SPTB: variants seen among roughly 807,000 people sequenced by gnomAD.
SPTB encodes the protein spectrin beta, erythrocytic.
Under a neutral mutation model 256.2 loss-of-function variants are expected in SPTB, and 45 were observed. The ratio of observed to expected loss-of-function variants is 0.18; its 90% CI spans 0.14 to 0.23. The LOEUF is 0.23. Among genes scored for constraint, SPTB ranks in the 10% least tolerant of loss-of-function variants. SPTB has a pLI of 1.00. For synonymous variants in SPTB, 1,231 were observed against 1,243.1 expected (o/e 0.99, Z 0.21); for missense variants, 2,715 against 3,040.4 (o/e 0.89, Z 2.52).
rs2081905999 is a variant in SPTB at position 64,749,406 on chromosome 14, T to C, written c.6887A>G (p.Lys2296Arg). The stretch of plus-strand genomic sequence containing the variant: ...GGAAGGCAGGGGCAGGCTCTGCGCC[T>C]TGACGCGGATGCTCTGGGACTCGTT... ...AINESQSIRV[K>R]AQSLPLPSLS... Residue 2296 changes from lysine to arginine, a missense_variant, in exon 36 of 36, where the codon AAG becomes AGG. By Grantham distance (26) the Lys-to-Arg change is conservative (BLOSUM62 2). Transcript: ENST00000644917. The surrounding 1 kb of genome is among the most constrained non-coding windows in gnomAD (Gnocchi z 4.7). The C allele has an allele frequency of 6.2e-7, 1 of 1,608,042 alleles. No homozygotes were observed. Among genetic ancestry groups the C allele is most frequent in the East Asian group, 2.2e-5 (1 of 44,868 alleles).
At chr14:64,800,366 T>C (rs2082859896) in intron 8 of SPTB, among the ~76,000 whole-genome samples, 2 of 152,258 alleles carry the variant, frequency 1.3e-5, no homozygotes, top group African/African-American at 2.4e-5. Flanking sequence ...GCTAAGGATC[T>C]AGCAGAGGGA....
intron 32 of SPTB, among the ~76,000 whole-genome samples, chr14:64,766,172 ATG>A (rs966662193): frequency 3.2e-5 from 4 of 125,432 alleles, no homozygotes; most frequent in Non-Finnish European, 3.4e-5. Context: ...GTGTATGTGT[ATG>A]TGTGTGTGTA....
At chr14:64,762,925 A>G (rs778088610) in intron 32 of SPTB, among the ~76,000 whole-genome samples, 2 of 152,230 alleles carry the variant, frequency 1.3e-5, no homozygotes, top group Non-Finnish European at 2.9e-5. Flanking sequence ...AGGAGCACCA[A>G]TCCCTTTCAG....
In SPTB at chr14:64,758,803, G is replaced by C. The variant is rs1165140338; in HGVS notation, c.6346-5010C>G. ...CTCACGGGGGAGGAGGGGTGTGGGA[G>C]CCTGACACAGCCCTGCAAGTATGTG... On this transcript the variant is annotated intron_variant, in intron 32 of 35. Transcript: ENST00000644917. This position sits in a 1 kb window ranked among gnomAD's most constrained non-coding sequence, Gnocchi z 4.6. Among the ~76,000 whole-genome samples, 1 of 152,178 alleles carries C rather than the reference G, an allele frequency of 6.6e-6. No individual in the cohort carries two copies. The highest frequency in any genetic ancestry group is 1.5e-5 in the Non-Finnish European group (1 of 68,030).
At chr14:64,831,122 C>A (rs1168670569) in intron 1 of SPTB, among the ~76,000 whole-genome samples, 1 of 152,048 alleles carries the variant, frequency 6.6e-6, no homozygotes, top group Admixed American at 6.5e-5. Flanking sequence ...GTGACCCATG[C>A]ACCAACTCCC....
At chr14:64,773,905 G>A (rs1205927852) in intron 24 of SPTB, among the ~76,000 whole-genome samples, 1 of 152,182 alleles carries the variant, frequency 6.6e-6, no homozygotes, top group Admixed American at 6.5e-5. Flanking sequence ...CTGAGGACAG[G>A]GCCATGGCTG....
chr14:64,760,351 C>T lies in SPTB; in HGVS notation c.6345+6375G>A, dbSNP rs61989862. Among the ~76,000 whole-genome samples, 17 of 152,138 alleles carry T rather than the reference C, an allele frequency of 1.1e-4. No homozygotes were observed. Among genetic ancestry groups the T allele is most frequent in the Non-Finnish European group, 1.8e-4 (12 of 68,034 alleles). On this transcript the variant is annotated intron_variant, in intron 32 of 35. Transcript: ENST00000644917. The surrounding 1 kb of genome is among the most constrained non-coding windows in gnomAD (Gnocchi z 4.3). ...AAGGAGGTGAAGGTGTATGTCCAGG[C>T]TCAACCAGCAGGTGGCGCGGGGGAC...
At position 64,795,435 on chromosome 14, in the gene SPTB, G is replaced by A. The variant is rs1381156110; in HGVS notation, c.1546C>T (p.Leu516=). The A allele has an allele frequency of 6.2e-7, 1 of 1,614,116 alleles. No individual in the cohort carries two copies. Among genetic ancestry groups the A allele is most frequent in the African/African-American group, 1.3e-5 (1 of 74,944 alleles). ...AGCCTCTGGCGCCGGGACTGCAGCAGCTCCTGCAGGTAGCTCCATAGGCGC... is the reference window on the plus strand; with the variant it reads ...AGCCTCTGGCGCCGGGACTGCAGCAACTCCTGCAGGTAGCTCCATAGGCGC... ...ILRLWSYLQE[L]LQSRRQRLET... Residue 516 remains leucine (L), a synonymous_variant, in exon 12 of 36, where the codon CTG becomes TTG. Coordinates refer to ENST00000644917, the MANE Select transcript of SPTB (RefSeq NM_001355436.2). This position sits in a 1 kb window ranked among gnomAD's most constrained non-coding sequence, Gnocchi z 6.5.
Position 64,759,507 on chromosome 14 carries a change from C to A in SPTB, c.6346-5714G>T, listed in dbSNP as rs1263718598. Among the ~76,000 whole-genome samples, 1 of 152,204 alleles carries A rather than the reference C, an allele frequency of 6.6e-6. No individual in the cohort carries two copies. Among genetic ancestry groups the A allele is most frequent in the Non-Finnish European group, 1.5e-5 (1 of 68,036 alleles). Reference sequence around the variant, plus strand: ...TAAGAGGGGATGAGGGGAGGCTGCCCCCCTGTAAGCAGGCCATGGTCTGAG... The same window carrying A: ...TAAGAGGGGATGAGGGGAGGCTGCCACCCTGTAAGCAGGCCATGGTCTGAG... On this transcript the variant is annotated intron_variant, in intron 32 of 35. Transcript: ENST00000644917. This position sits in a 1 kb window ranked among gnomAD's most constrained non-coding sequence, Gnocchi z 4.8.
rs1468529946 is a variant in SPTB, at chr14:64,749,439, G to C, written c.6854C>G (p.Thr2285Ser). 1 of 1,603,560 alleles carries C rather than the reference G, an allele frequency of 6.2e-7. No homozygotes were observed. Among genetic ancestry groups the C allele is most frequent in the South Asian group, 1.1e-5 (1 of 91,004 alleles). ...GATGCTCTGGGACTCGTTGATGGCG[G>C]TGCTCACGCCCTGCAGCCAGGACAG... ...EMLSWLQGVS[T>S]AINESQSIRV... is the part of the protein sequence containing the mutation. The change falls in exon 36 of 36, where the codon ACC becomes AGC. Residue 2285 changes from threonine (T) to serine (S), a missense_variant. Transcript: ENST00000644917. The surrounding 1 kb of genome is among the most constrained non-coding windows in gnomAD (Gnocchi z 4.7).
chr14:64,810,453 G>T (rs754889592), intron 2 of SPTB, among the ~76,000 whole-genome samples: 8 of 152,204 alleles, frequency 5.3e-5, no homozygotes, highest in Non-Finnish European at 7.3e-5. Flanking sequence ...GCTAAAGCAG[G>T]TGGATCACTT....
Position 64,823,195 on chromosome 14 carries a change from T to A in SPTB, c.-51-50A>T. ...GGGTTATCTCTCTACCCCCTCGGAC[T>A]TTTTCTCCGGGGAAACTTATTCGGA... On this transcript the variant is annotated intron_variant, in intron 1 of 35. Coordinates refer to ENST00000644917, the MANE Select transcript of SPTB (RefSeq NM_001355436.2). The surrounding 1 kb of genome is among the most constrained non-coding windows in gnomAD (Gnocchi z 6.5). The A allele has an allele frequency of 6.9e-7, 1 of 1,459,322 alleles. No individual in the cohort carries two copies. The highest frequency in any genetic ancestry group is 1.2e-5 in the South Asian group (1 of 86,632). 90.4% of individuals were successfully genotyped at this position (1,459,322 alleles called of 1,614,324 possible).
chr14:64,799,154 T>A (rs1252934709), intron 9 of SPTB, among the ~76,000 whole-genome samples: 1 of 152,214 alleles, frequency 6.6e-6, no homozygotes, highest in Non-Finnish European at 1.5e-5. Flanking sequence ...TGCACAGTTG[T>A]GTGTATGCAT....
rs183970901 is a variant in SPTB, at chr14:64,782,209, A to C, written c.4266+81T>G. The stretch of plus-strand genomic sequence containing the variant: ...AACCTTCACATGTACCCCCAAACCT[A>C]AAATTAAAAATAAAGGTGTCAGACT... On this transcript the variant is annotated intron_variant, in intron 20 of 35. Coordinates refer to ENST00000644917, the MANE Select transcript of SPTB (RefSeq NM_001355436.2). 1,197 of 1,603,038 alleles carry C rather than the reference A, an allele frequency of 7.5e-4. 8 individuals are homozygous for C. Among genetic ancestry groups the C allele is most frequent in the Middle Eastern group, 3.8e-3 (23 of 6,044 alleles).
chr14:64,780,397 A>G (rs776117485), intron 20 of SPTB, among the ~76,000 whole-genome samples: 18 of 152,214 alleles, frequency 1.2e-4, no homozygotes, highest in South Asian at 2.1e-4. Context: ...ACATTCTTCA[A>G]AGAACTAGAA....
At chr14:64,776,883 T>C (rs891727889) in intron 22 of SPTB, among the ~76,000 whole-genome samples, 2 of 152,316 alleles carry the variant, frequency 1.3e-5, no homozygotes, top group Middle Eastern at 3.4e-3. Context: ...CTGGTCTAGG[T>C]AATAGGGACA....
chr14:64,862,307 G>C (rs572542314), intron 1 of SPTB, among the ~76,000 whole-genome samples: 1 of 151,750 alleles, frequency 6.6e-6, no homozygotes, highest in Non-Finnish European at 1.5e-5. Context: ...AGTGCCAGTG[G>C]GCACCACACA....
rs78962568 is a variant in SPTB, at chr14:64,870,866, G to A, written c.-52+8926C>T. On this transcript the variant is annotated intron_variant, in intron 1 of 35. Coordinates refer to ENST00000644917, the MANE Select transcript of SPTB (RefSeq NM_001355436.2). ...CAGCAGCATTATTCACAATAGGCAAGAGTAGAAGCAACCCAAGTGTCCATA... is the reference window on the plus strand; with the variant it reads ...CAGCAGCATTATTCACAATAGGCAAAAGTAGAAGCAACCCAAGTGTCCATA... 5.9e-3 allele frequency among the ~76,000 whole-genome samples: 901 copies of A among 152,328 alleles called. 9 individuals carry two copies. The highest frequency in any genetic ancestry group is 0.021 in the African/African-American group (874 of 41,568).
chr14:64,803,317 A>G (rs1158340796), intron 4 of SPTB, among the ~76,000 whole-genome samples: 1 of 151,870 alleles, frequency 6.6e-6, no homozygotes, highest in African/African-American at 2.4e-5. Flanking sequence ...TAGGGGGAGG[A>G]GGCTAAAAAG....
Sources: allele counts gnomAD v4.1 joint callset (sites outside exome capture counted in the v4.1 genomes callset), GRCh38; gene constraint gnomAD v4.1.1; non-coding constraint Gnocchi (gnomAD v3.1); transcripts MANE v1.5; gene names NCBI Gene and HGNC (gene_info 2026-07-23, HGNC 2026-07-21).